SEMA6D: variants seen among roughly 807,000 people sequenced by gnomAD.
SEMA6D encodes the protein semaphorin 6D.
SEMA6D carries 35 observed loss-of-function variants against 106.6 expected under a neutral mutation model. That is an observed-to-expected ratio of 0.33 (90% CI 0.25 to 0.44). The LOEUF is 0.44. Among genes scored for constraint, SEMA6D ranks in the 20% least tolerant of loss-of-function variants. SEMA6D has a pLI of 1.00. For synonymous variants in SEMA6D, 499 were observed against 487.7 expected (o/e 1.02, Z -0.31); for missense variants, 1,185 against 1,345.9 (o/e 0.88, Z 1.87).
At chr15:47,573,901 C>A (rs188063348) in intron 3 of SEMA6D, among the ~76,000 whole-genome samples, 1 of 152,328 alleles carries the variant, frequency 6.6e-6, no homozygotes, top group African/African-American at 2.4e-5. Flanking sequence ...CAACATATCC[C>A]TCATTTCTGA....
chr15:47,560,245 G>A (rs141804894), intron 3 of SEMA6D, among the ~76,000 whole-genome samples: 18 of 152,092 alleles, frequency 1.2e-4, no homozygotes, highest in African/African-American at 3.6e-4. Flanking sequence ...ACTGGATTTG[G>A]CAGAAAAGAC....
intron 2 of SEMA6D, among the ~76,000 whole-genome samples, chr15:47,450,811 G>T (rs2042167791): frequency 6.6e-6 from 1 of 151,978 alleles, no homozygotes; most frequent in South Asian, 2.1e-4. Flanking sequence ...TGACTTTCTT[G>T]GCATTCAGCC....
intron 4 of SEMA6D, among the ~76,000 whole-genome samples, chr15:47,622,282 G>A (rs1420681331): frequency 2.0e-5 from 3 of 151,342 alleles, no homozygotes; most frequent in Admixed American, 6.6e-5. Context: ...GTCTCAAAAC[G>A]TGGGAATAAC....
intron 3 of SEMA6D, among the ~76,000 whole-genome samples, chr15:47,520,021 A>G (rs978486984): frequency 3.3e-5 from 5 of 152,132 alleles, no homozygotes; most frequent in African/African-American, 1.2e-4. Flanking sequence ...TCTTTCCTAA[A>G]GGGGATTAGG....
chr15:47,318,630 G>T (rs1436680849), intron 1 of SEMA6D, among the ~76,000 whole-genome samples: 1 of 139,658 alleles, frequency 7.2e-6, no homozygotes, highest in Non-Finnish European at 1.6e-5. Context: ...GTATTCCATG[G>T]TGTATATGTG....
chr15:47,335,570 A>G (rs2037519776), intron 1 of SEMA6D, among the ~76,000 whole-genome samples: 1 of 152,010 alleles, frequency 6.6e-6, no homozygotes, highest in Non-Finnish European at 1.5e-5. Context: ...TATGTCTGTT[A>G]CCCAGATTAT....
At chr15:47,235,374 C>T (rs997844401) in intron 1 of SEMA6D, among the ~76,000 whole-genome samples, 1 of 151,664 alleles carries the variant, frequency 6.6e-6, no homozygotes, top group Non-Finnish European at 1.5e-5. Context: ...GTTGCATTTG[C>T]TTTTGGGGTC....
intron 4 of SEMA6D, among the ~76,000 whole-genome samples, chr15:47,667,308 A>C (rs536974786): frequency 2.0e-5 from 3 of 152,370 alleles, no homozygotes; most frequent in Admixed American, 1.3e-4. Context: ...ACATAACACT[A>C]GGAGTAAGTA....
intron 8 of SEMA6D, among the ~76,000 whole-genome samples, chr15:47,762,780 G>T (rs1397020985): frequency 6.6e-6 from 1 of 152,162 alleles, no homozygotes; most frequent in Non-Finnish European, 1.5e-5. Flanking sequence ...AAAGACCTTT[G>T]CTGTAGTTCA....
At position 47,652,705 on chromosome 15, in the gene SEMA6D, GT is replaced by G. The variant is rs566732005; in HGVS notation, c.-55+51810del. 4.9e-3 allele frequency among the ~76,000 whole-genome samples: 744 copies of G among 152,278 alleles called. 2 individuals carry two copies. Among genetic ancestry groups the G allele is most frequent in the Admixed American group, 8.3e-3 (127 of 15,298 alleles). On this transcript the variant is annotated intron_variant, in intron 4 of 19. Transcript: ENST00000558014. ...TTTACATGTGGCTTGTGCCCAGCCT[GT>G]CTCTAAAGAAAGCAAGGTCCAAAGG... is the stretch of plus-strand genomic sequence containing the variant.
intron 4 of SEMA6D, among the ~76,000 whole-genome samples, chr15:47,686,544 A>T (rs975231110): frequency 5.3e-5 from 8 of 152,218 alleles, no homozygotes; most frequent in African/African-American, 1.9e-4. Flanking sequence ...TTATGGATAA[A>T]CAAAAGATAG....
In SEMA6D at chr15:47,222,133, A is replaced by T. The variant is rs537593390; in HGVS notation, c.-239+37715A>T. Among the ~76,000 whole-genome samples the T allele has an allele frequency of 3.9e-5, 6 of 152,292 alleles. No homozygotes were observed. The South Asian group carries it at 1.2e-3, about 32-fold the overall frequency. Reference sequence around the variant, plus strand: ...CATGACTGATAAAACACAAGTTCCCAGTCTGTTTGACCAGGGAATCCATTT... The same window carrying T: ...CATGACTGATAAAACACAAGTTCCCTGTCTGTTTGACCAGGGAATCCATTT... On this transcript the variant is annotated intron_variant, in intron 1 of 19. Coordinates refer to the SEMA6D transcript ENST00000558014.
intron 2 of SEMA6D, among the ~76,000 whole-genome samples, chr15:47,424,725 A>G (rs987356550): frequency 6.6e-6 from 1 of 152,166 alleles, no homozygotes; most frequent in Non-Finnish European, 1.5e-5. Context: ...GTGGGGGCAA[A>G]GGGAATTTTT....
chr15:47,429,399 A>G (rs533108439), intron 2 of SEMA6D, among the ~76,000 whole-genome samples: 1 of 152,280 alleles, frequency 6.6e-6, no homozygotes, highest in East Asian at 1.9e-4. Flanking sequence ...GTTATTACAT[A>G]TGGAAATGAG....
chr15:47,494,522 T>G (rs950538723), intron 3 of SEMA6D, among the ~76,000 whole-genome samples: 2 of 151,594 alleles, frequency 1.3e-5, no homozygotes, highest in Non-Finnish European at 2.9e-5. Flanking sequence ...GTTTTCCCAT[T>G]AAGTTTTATG....
At chr15:47,640,860 CT>C (rs76422184) in intron 4 of SEMA6D, among the ~76,000 whole-genome samples, 52 of 147,272 alleles carry the variant, frequency 3.5e-4, no homozygotes, top group Admixed American at 3.4e-4. Context: ...AATTACATAC[CT>C]TTTTTTTTTT....
intron 4 of SEMA6D, among the ~76,000 whole-genome samples, chr15:47,661,558 G>GT (rs1175483399): frequency 1.3e-5 from 2 of 152,246 alleles, no homozygotes; most frequent in Non-Finnish European, 2.9e-5. Flanking sequence ...GAGAAAAACA[G>GT]TATTAGTGAA....
intron 1 of SEMA6D, among the ~76,000 whole-genome samples, chr15:47,327,194 G>GT (rs1191820661): frequency 1.3e-5 from 2 of 152,022 alleles, no homozygotes; most frequent in Middle Eastern, 3.4e-3. Flanking sequence ...TATTTAGCCT[G>GT]TTTTTTTTCT....
Position 47,280,452 on chromosome 15 carries a change from A to G in SEMA6D, c.-239+96034A>G, listed in dbSNP as rs536136961. Among the ~76,000 whole-genome samples the G allele has an allele frequency of 3.9e-3, 575 of 148,008 alleles. 17 individuals carry two copies. Among genetic ancestry groups the G allele is most frequent in the Admixed American group, 0.035 (514 of 14,674 alleles). ...TATTAGTGTTGCTAGTGGTTTATCA[A>G]TTTTGTTGATCCTTTCAAAAAACCA... On this transcript the variant is annotated intron_variant, in intron 1 of 19. Coordinates refer to the SEMA6D transcript ENST00000558014.
Sources: gnomAD v4.1 joint callset for allele counts (sites outside exome capture counted in the v4.1 genomes callset) on GRCh38, gnomAD v4.1.1 for gene constraint, MANE v1.5 for transcripts, NCBI Gene and HGNC (gene_info 2026-07-23, HGNC 2026-07-21) for gene names.